MRPS18A: variants seen among roughly 807,000 people sequenced by gnomAD.
The protein encoded by MRPS18A is mitochondrial ribosomal protein S18A, also known as large ribosomal subunit protein mL66.
MRPS18A carries 20 observed loss-of-function variants against 22.7 expected under a neutral mutation model. That is an observed-to-expected ratio of 0.88 (90% CI 0.62 to 1.28). The LOEUF (loss-of-function observed/expected upper bound fraction) is 1.28, where lower values mean the gene tolerates loss of function less well. Ranked by LOEUF, MRPS18A falls within the 50% of genes most tolerant of loss-of-function variation. The pLI is 0.00. For missense variants in MRPS18A, 294 were observed against 262.6 expected (o/e 1.12, Z -0.83); for synonymous variants, 106 against 99.1 (o/e 1.07, Z -0.41).
rs1464190072 is a variant in MRPS18A at position 43,673,633 on chromosome 6, G to A, written c.446+1569C>T. 6.6e-6 allele frequency among the ~76,000 whole-genome samples: 1 copy of A among 152,220 alleles called. No individual in the cohort carries two copies. The highest frequency in any genetic ancestry group is 1.5e-5 in the Non-Finnish European group (1 of 68,044). On this transcript the variant is annotated intron_variant, in intron 5 of 5. Coordinates refer to ENST00000372133, the MANE Select transcript of MRPS18A (RefSeq NM_018135.4). The surrounding 1 kb of genome is among the most constrained non-coding windows in gnomAD (Gnocchi z 4.2). ...TTTGGGAACACCCCAGCTCTAGCAA[G>A]AACCAAGTCTCTTTCCTAAACCAGC...
chr6:43,687,270 G>A (rs888693363), intron 1 of MRPS18A, among the ~76,000 whole-genome samples: 2 of 152,194 alleles, frequency 1.3e-5, no homozygotes, highest in African/African-American at 4.8e-5. Context: ...AAAGTGGAAA[G>A]GGAGGCTCTG....
chr6:43,681,581 T>C (rs1403695483), intron 1 of MRPS18A, among the ~76,000 whole-genome samples: 2 of 152,220 alleles, frequency 1.3e-5, no homozygotes, highest in African/African-American at 2.4e-5. Flanking sequence ...ATGTAAGATA[T>C]AGCACTGAAC....
rs1444495251 is a variant in MRPS18A, at chr6:43,673,769, G to C, written c.446+1433C>G. Among the ~76,000 whole-genome samples, 1 of 152,210 alleles carries C rather than the reference G, an allele frequency of 6.6e-6. No homozygotes were observed. The highest frequency in any genetic ancestry group is 6.5e-5 in the Admixed American group (1 of 15,288). ...GGGCCCATGCATGGCAGCATTAAAC[G>C]AGACTCCCCTGCAAGGGAATCCATT... On this transcript the variant is annotated intron_variant, in intron 5 of 5. Transcript: ENST00000372133. The surrounding 1 kb of genome is among the most constrained non-coding windows in gnomAD (Gnocchi z 4.2).
intron 1 of MRPS18A, among the ~76,000 whole-genome samples, chr6:43,684,905 G>C (rs1774607334): frequency 6.6e-6 from 1 of 152,162 alleles, no homozygotes; most frequent in Non-Finnish European, 1.5e-5. Context: ...GGCTCTAAGA[G>C]GGATAAGGGA....
rs115085690 is a variant in MRPS18A at position 43,683,998 on chromosome 6, G to C, written c.113-2878C>G. ...AATGACATTGTGGTGAGATTGCAGTGAATGCAAAAGGAGGAGATGGGGTGA... is the reference window on the plus strand; with the variant it reads ...AATGACATTGTGGTGAGATTGCAGTCAATGCAAAAGGAGGAGATGGGGTGA... On this transcript the variant is annotated intron_variant, in intron 1 of 5. Coordinates refer to ENST00000372133, the MANE Select transcript of MRPS18A (RefSeq NM_018135.4). 3.7e-3 allele frequency among the ~76,000 whole-genome samples: 563 copies of C among 152,216 alleles called. 8 individuals are homozygous for C. Among genetic ancestry groups the C allele is most frequent in the Non-Finnish European group, 6.5e-3 (442 of 68,032 alleles).
chr6:43,672,762 A>G (rs1773811828), intron 5 of MRPS18A, among the ~76,000 whole-genome samples: 1 of 152,214 alleles, frequency 6.6e-6, no homozygotes, highest in Non-Finnish European at 1.5e-5. Context: ...AAACTCTTAG[A>G]TAAAAGAAGT....
Position 43,673,382 on chromosome 6 carries a change from A to G in MRPS18A, c.447-1476T>C, listed in dbSNP as rs190079655. ...CCTCTCCCAGGCTTCAGAGGGGTAC[A>G]TGAAGAGATGGGGTATGGGAGCAGG... On this transcript the variant is annotated intron_variant, in intron 5 of 5. Coordinates refer to ENST00000372133, the MANE Select transcript of MRPS18A (RefSeq NM_018135.4). This position sits in a 1 kb window ranked among gnomAD's most constrained non-coding sequence, Gnocchi z 4.2. 1.8e-3 allele frequency among the ~76,000 whole-genome samples: 267 copies of G among 152,330 alleles called. No homozygotes were observed. Among genetic ancestry groups the G allele is most frequent in the Non-Finnish European group, 3.0e-3 (201 of 68,028 alleles).
At position 43,671,642 on chromosome 6, in the gene MRPS18A, G is replaced by T; in HGVS notation, c.*120C>A. ...CCACTGTCCCCTGTCCATGCATGTT[G>T]GAGGGACCAGGCCATCGTGGTGGGG... On this transcript the variant is annotated 3_prime_UTR_variant, in exon 6 of 6. Coordinates refer to ENST00000372133, the MANE Select transcript of MRPS18A (RefSeq NM_018135.4). The T allele has an allele frequency of 8.4e-7, 1 of 1,197,062 alleles. No homozygotes were observed. The highest frequency in any genetic ancestry group is 1.2e-6 in the Non-Finnish European group (1 of 825,376). The allele number at this position is 1,197,062 out of a possible 1,614,324, so 74.2% of individuals were successfully genotyped here. A position where few individuals can be genotyped will look rare whatever the true frequency, so the allele number is the denominator to read the frequency against.
intron 2 of MRPS18A, 24 bp downstream of exon 2, chr6:43,681,065 C>G: frequency 6.2e-7 from 1 of 1,612,290 alleles, no homozygotes. Flanking sequence ...AGAGGTTATA[C>G]ATGGCCAACT....
intron 1 of MRPS18A, 144 bp from the exon 2 acceptor site, chr6:43,681,264 T>C: frequency 1.1e-6 from 1 of 891,330 alleles, no homozygotes; most frequent in Non-Finnish European, 1.7e-6. Context: ...ACAGAAAGCA[T>C]GCAGGGTTCA....
chr6:43,684,860 T>TTG, intron 1 of MRPS18A, among the ~76,000 whole-genome samples: 1 of 152,334 alleles, frequency 6.6e-6, no homozygotes, highest in East Asian at 1.9e-4. Flanking sequence ...AATAATATGT[T>TTG]TGTTTTTTTA....
rs568696252 is a variant in MRPS18A at position 43,681,168 on chromosome 6, C to CAG, written c.113-50_113-49dup. ...ATTAGGTCAGCCATTTAATAAGGAA[C>CAG]AGAGAGTTTCAAATAACAGCTCAAA... On this transcript the variant is annotated intron_variant, in intron 1 of 5. Transcript: ENST00000372133. 596 of 1,580,172 alleles carry CAG rather than the reference C, an allele frequency of 3.8e-4. 4 individuals are homozygous for CAG. In the African/African-American group the frequency reaches 7.4e-3, roughly 20 times the overall value.
In MRPS18A at chr6:43,673,750, A is replaced by G. The variant is rs115091588; in HGVS notation, c.446+1452T>C. On this transcript the variant is annotated intron_variant, in intron 5 of 5. Coordinates refer to ENST00000372133, the MANE Select transcript of MRPS18A (RefSeq NM_018135.4). The surrounding 1 kb of genome is among the most constrained non-coding windows in gnomAD (Gnocchi z 4.2). The stretch of plus-strand genomic sequence containing the variant: ...CCAGGCCCCAGCGGAGCCTGGGCCC[A>G]TGCATGGCAGCATTAAACGAGACTC... Among the ~76,000 whole-genome samples the G allele has an allele frequency of 6.8e-3, 1,040 of 152,338 alleles. 13 individuals are homozygous for G. The highest frequency in any genetic ancestry group is 0.023 in the African/African-American group (970 of 41,578).
chr6:43,687,754 G>A lies in MRPS18A; in HGVS notation c.26C>T (p.Ser9Phe), dbSNP rs145399807. The change falls in exon 1 of 6, where the codon TCC (serine) becomes TTC (phenylalanine). Residue 9 changes from serine to phenylalanine, a missense_variant. By Grantham distance (155) the Ser-to-Phe change is radical (BLOSUM62 -2). Transcript: ENST00000372133. MAALKALV[S>F]GCGRLLRGLL... is the part of the protein sequence containing the mutation. The stretch of plus-strand genomic sequence containing the variant: ...CCCACGGAGAAGCCGCCCACAGCCG[G>A]ACACCAGAGCCTTGAGGGCCGCCAT... 4 of 1,583,274 alleles carry A rather than the reference G, an allele frequency of 2.5e-6. No homozygotes were observed. Among genetic ancestry groups the A allele is most frequent in the East Asian group, 2.3e-5 (1 of 43,838 alleles).
chr6:43,674,079 C>T (rs1304316958), intron 5 of MRPS18A, among the ~76,000 whole-genome samples: 2 of 152,208 alleles, frequency 1.3e-5, no homozygotes, highest in Non-Finnish European at 2.9e-5. Flanking sequence ...TGGCAGATGG[C>T]TGAGCTAGCA....
At chr6:43,675,141 G>C (rs1773979362) in intron 5 of MRPS18A, 61 bp downstream of exon 5, 1 of 1,385,050 alleles carries the variant, frequency 7.2e-7, no homozygotes, top group Non-Finnish European at 9.7e-7. Flanking sequence ...AGACAGCCAA[G>C]GTGCACCCTA....
At chr6:43,681,236 T>A in intron 1 of MRPS18A, 116 bp from the exon 2 acceptor site, 1 of 1,035,368 alleles carries the variant, frequency 9.7e-7, no homozygotes, top group South Asian at 1.5e-5. Context: ...CTGTACTCTC[T>A]CATGGTCTCC....
At chr6:43,679,591 G>A (rs940374798) in intron 2 of MRPS18A, among the ~76,000 whole-genome samples, 1 of 152,164 alleles carries the variant, frequency 6.6e-6, no homozygotes, top group Non-Finnish European at 1.5e-5. Context: ...AATTGCAAGA[G>A]GGGAGTTTAG....
rs773115392 is a variant in MRPS18A at position 43,675,533 on chromosome 6, G to T, written c.337C>A (p.Arg113Ser). Residue 113 changes from arginine to serine, a missense_variant, in exon 4 of 6, where the codon CGC (arginine) becomes AGC (serine). Coordinates refer to ENST00000372133, the MANE Select transcript of MRPS18A (RefSeq NM_018135.4). Reference sequence around the variant, plus strand: ...ATCTTCACACACTCCTCGATCTTGCGGTGTTCTTCCTGGCATAGGCCTGTG... The same window carrying T: ...ATCTTCACACACTCCTCGATCTTGCTGTGTTCTTCCTGGCATAGGCCTGTG... ...KITGLCQEEH[R>S]KIEECVKMAH... 3.1e-6 allele frequency: 5 copies of T among 1,614,158 alleles called. No homozygotes were observed. The East Asian group carries it at 8.9e-5, about 29-fold the overall frequency.
Sources: gnomAD v4.1 joint callset for allele counts (sites outside exome capture counted in the v4.1 genomes callset) on GRCh38, gnomAD v4.1.1 for gene constraint, Gnocchi (gnomAD v3.1) non-coding constraint, MANE v1.5 for transcripts, NCBI Gene and HGNC (gene_info 2026-07-23, HGNC 2026-07-21) for gene names.